Variants in SORL1 observed in about 807,000 individuals in gnomAD.
The protein encoded by SORL1 is sortilin related receptor 1, also known as sortilin-related receptor.
A neutral mutation model predicts 273.7 loss-of-function variants in SORL1; 127 were observed. The ratio of observed to expected loss-of-function variants is 0.46; its 90% CI spans 0.40 to 0.54. The LOEUF (loss-of-function observed/expected upper bound fraction) is 0.54, where lower values mean the gene tolerates loss of function less well. SORL1 is among the 20% of genes least tolerant of loss of function. The pLI is 0.00. For synonymous variants in SORL1, 1,031 were observed against 1,067.4 expected (o/e 0.97, Z 0.66); for missense variants, 2,494 against 2,846.1 (o/e 0.88, Z 2.81).
Position 121,523,668 on chromosome 11 carries a change from G to A in SORL1, c.1596+679G>A, listed in dbSNP as rs994668060. Reference sequence around the variant, plus strand: ...CCATTGATTAAGGCCAAGGAAGTGCGTTTGGTCTCGTTCTGTAGGGGTTGC... The same window carrying A: ...CCATTGATTAAGGCCAAGGAAGTGCATTTGGTCTCGTTCTGTAGGGGTTGC... On this transcript the variant is annotated intron_variant, in intron 11 of 47. Transcript: ENST00000260197. Among the ~76,000 whole-genome samples, 6 of 151,882 alleles carry A rather than the reference G, an allele frequency of 4.0e-5. 1 individual carries two copies. The highest frequency in any genetic ancestry group is 7.4e-5 in the Non-Finnish European group (5 of 67,990).
chr11:121,627,853 G>T lies in SORL1; in HGVS notation c.6577+86G>T, dbSNP rs1863821490. ...CTTGATTAGGAAACACCCACCTTCAGCTCCTCTTTTGACCCTGGAGGAGCT... is the reference window on the plus strand; with the variant it reads ...CTTGATTAGGAAACACCCACCTTCATCTCCTCTTTTGACCCTGGAGGAGCT... On this transcript the variant is annotated intron_variant, in intron 47 of 47. Transcript: ENST00000260197. This position sits in a 1 kb window ranked among gnomAD's most constrained non-coding sequence, Gnocchi z 4.9. 2 of 908,662 alleles carry T rather than the reference G, an allele frequency of 2.2e-6. No individual in the cohort carries two copies. Among genetic ancestry groups the T allele is most frequent in the Non-Finnish European group, 3.3e-6 (2 of 598,326 alleles). The allele number at this position is 908,662 out of a possible 1,614,324, so 56.3% of individuals were successfully genotyped here.
chr11:121,556,610 C>T (rs540173787), intron 18 of SORL1, among the ~76,000 whole-genome samples: 9 of 152,354 alleles, frequency 5.9e-5, no homozygotes, highest in African/African-American at 1.7e-4. Flanking sequence ...GACCACTGCA[C>T]AACTCAAATA....
intron 12 of SORL1, among the ~76,000 whole-genome samples, chr11:121,534,301 A>T (rs1862240135): frequency 6.6e-6 from 1 of 152,178 alleles, no homozygotes; most frequent in Middle Eastern, 3.2e-3. Context: ...AGTTAGTGTG[A>T]TTCTAGTCCT....
chr11:121,591,176 C>T lies in SORL1; in HGVS notation c.4369+20C>T. Reference sequence around the variant, plus strand: ...TGCTTGGTGAGTTCTGGCCCAGGTCCTCTCCTGTGGTACCTGCTATTGTGG... The same window carrying T: ...TGCTTGGTGAGTTCTGGCCCAGGTCTTCTCCTGTGGTACCTGCTATTGTGG... On this transcript the variant is annotated intron_variant, in intron 31 of 47. Coordinates refer to ENST00000260197, the MANE Select transcript of SORL1 (RefSeq NM_003105.6). 6.2e-7 allele frequency: 1 copy of T among 1,613,754 alleles called. No individual in the cohort carries two copies. The highest frequency in any genetic ancestry group is 8.5e-7 in the Non-Finnish European group (1 of 1,179,722).
In SORL1 at chr11:121,595,371, ATC is replaced by A. The variant is rs1863277060; in HGVS notation, c.4370-249_4370-248del. On this transcript the variant is annotated intron_variant, in intron 31 of 47. Coordinates refer to ENST00000260197, the MANE Select transcript of SORL1 (RefSeq NM_003105.6). The surrounding 1 kb of genome is among the most constrained non-coding windows in gnomAD (Gnocchi z 5.1). ...TATCTGTCTTCTTTCCAGCTCCCAAATCTCATTATCCATGTCCTCGTGGATTT... is the reference window on the plus strand; with the variant it reads ...TATCTGTCTTCTTTCCAGCTCCCAAATCATTATCCATGTCCTCGTGGATTT... Among the ~76,000 whole-genome samples the A allele has an allele frequency of 6.6e-6, 1 of 152,056 alleles. No homozygotes were observed. Among genetic ancestry groups the A allele is most frequent in the East Asian group, 1.9e-4 (1 of 5,176 alleles).
intron 2 of SORL1, among the ~76,000 whole-genome samples, chr11:121,472,292 T>C (rs1206018094): frequency 2.0e-5 from 3 of 152,360 alleles, no homozygotes; most frequent in South Asian, 2.1e-4. Flanking sequence ...GAAATCCTTC[T>C]TGGAATTTTT....
intron 21 of SORL1, among the ~76,000 whole-genome samples, chr11:121,564,288 C>T (rs1392867394): frequency 1.3e-5 from 2 of 152,182 alleles, no homozygotes; most frequent in Admixed American, 1.3e-4. Context: ...TTCAGACTAG[C>T]CTAGACATTC....
chr11:121,463,075 G>A (rs190261151), intron 1 of SORL1, among the ~76,000 whole-genome samples: 2 of 152,248 alleles, frequency 1.3e-5, no homozygotes, highest in East Asian at 1.9e-4. Context: ...CTTGGGGTGC[G>A]CTCTCTTGAG....
At chr11:121,592,664 T>C (rs1437081512) in intron 31 of SORL1, among the ~76,000 whole-genome samples, 1 of 152,280 alleles carries the variant, frequency 6.6e-6, no homozygotes, top group Non-Finnish European at 1.5e-5. Context: ...GGAATCATGC[T>C]GTCTACTACT....
intron 1 of SORL1, among the ~76,000 whole-genome samples, chr11:121,459,161 A>G (rs868014076): frequency 4.2e-4 from 64 of 152,260 alleles, no homozygotes; most frequent in African/African-American, 1.5e-3. Context: ...GCCATTGAGC[A>G]GGTGAAATGT....
intron 1 of SORL1, among the ~76,000 whole-genome samples, chr11:121,468,633 C>A (rs369290119): frequency 7.2e-5 from 11 of 152,142 alleles, no homozygotes; most frequent in African/African-American, 2.7e-4. Flanking sequence ...ATTGGCCAGG[C>A]GGGTCTTGAA....
intron 12 of SORL1, among the ~76,000 whole-genome samples, chr11:121,539,826 G>A (rs1453922971): frequency 4.6e-5 from 7 of 152,140 alleles, no homozygotes; most frequent in African/African-American, 1.7e-4. Context: ...GGATGAATGT[G>A]TATCAAGTGC....
At chr11:121,552,375 C>T (rs999444121) in intron 16 of SORL1, among the ~76,000 whole-genome samples, 15 of 152,276 alleles carry the variant, frequency 9.9e-5, no homozygotes, top group Non-Finnish European at 1.0e-4. Context: ...GCTGGAATGC[C>T]GCATGCTGCT....
At position 121,591,111 on chromosome 11, in the gene SORL1, C is replaced by G. The variant is rs1469648095; in HGVS notation, c.4324C>G (p.Arg1442Gly). The part of the protein sequence containing the change: ...VMDTWVCDGY[R>G]DCADGSDEEA... ...GGACACCTGGGTGTGCGACGGGTAC[C>G]GAGATTGTGCAGATGGCTCTGACGA... The change falls in exon 31 of 48, where the codon CGA becomes GGA. Residue 1442 changes from arginine (R) to glycine (G), a missense_variant. Around this residue, in one of 3 missense-constraint regions of SORL1, gnomAD observed 1,609 missense variants for 1,816.4 expected, o/e 0.89. Transcript: ENST00000260197. 1.9e-6 allele frequency: 3 copies of G among 1,614,070 alleles called. No individual in the cohort carries two copies. Among genetic ancestry groups the G allele is most frequent in the Non-Finnish European group, 2.5e-6 (3 of 1,180,050 alleles).
chr11:121,545,022 T>C (rs921842002), intron 13 of SORL1, among the ~76,000 whole-genome samples: 7 of 152,246 alleles, frequency 4.6e-5, no homozygotes, highest in Non-Finnish European at 1.0e-4. Flanking sequence ...GGTGGCTTGC[T>C]TCTTTCCAAC....
At chr11:121,572,915 C>T (rs745586355) in intron 23 of SORL1, among the ~76,000 whole-genome samples, 19 of 152,174 alleles carry the variant, frequency 1.2e-4, no homozygotes, top group African/African-American at 2.9e-4. Context: ...GGATGTCTAA[C>T]GGCAGCATTG....
At chr11:121,583,630 G>A in intron 26 of SORL1, 47 bp downstream of exon 26, 1 of 1,566,066 alleles carries the variant, frequency 6.4e-7, no homozygotes, top group Non-Finnish European at 8.7e-7. Context: ...CCCAGTGTCT[G>A]CTGTTCAGGA....
intron 12 of SORL1, among the ~76,000 whole-genome samples, chr11:121,536,712 T>A (rs1862272608): frequency 6.6e-6 from 1 of 152,040 alleles, no homozygotes; most frequent in African/African-American, 2.4e-5. Flanking sequence ...TTGGTCTTTA[T>A]CACCTTTTAA....
intron 6 of SORL1, among the ~76,000 whole-genome samples, chr11:121,506,216 C>T (rs568687209): frequency 6.6e-6 from 1 of 152,286 alleles, no homozygotes; most frequent in South Asian, 2.1e-4. Flanking sequence ...TCTCTAGTAA[C>T]TATTTTTTGT....
Sources: allele counts gnomAD v4.1 joint callset (sites outside exome capture counted in the v4.1 genomes callset), GRCh38; gene constraint gnomAD v4.1.1; regional missense constraint gnomAD v4.1.1; non-coding constraint Gnocchi (gnomAD v3.1); transcripts MANE v1.5; gene names NCBI Gene and HGNC (gene_info 2026-07-23, HGNC 2026-07-21).